The following KALRN variants were observed in gnomAD, a reference collection of about 807,000 sequenced individuals.
KALRN encodes kalirin RhoGEF kinase.
KALRN carries 70 observed loss-of-function variants against 353.7 expected under a neutral mutation model. That is an observed-to-expected ratio of 0.20 (90% confidence interval 0.16 to 0.24). KALRN has a LOEUF of 0.24. Among genes scored for constraint, KALRN ranks in the 10% least tolerant of loss-of-function variants. KALRN has a pLI of 1.00. For synonymous variants in KALRN, 1,391 were observed against 1,434.8 expected, an observed-to-expected ratio of 0.97 and a Z score of 0.69; for missense variants, 2,791 against 3,756.7, an observed-to-expected ratio of 0.74 and a Z score of 6.72.
At position 124,217,828 on chromosome 3, in the gene KALRN, G is replaced by A. The variant is rs551400914; in HGVS notation, c.74-10162G>A. ...TGTGTCCCTTCTCAGCTGTCAGACC[G>A]TACCTGCAGTTCTGCAAACCTGGTT... On this transcript the variant is annotated intron_variant, in intron 1 of 59. Transcript: ENST00000682506. Among the ~76,000 whole-genome samples, 7 of 152,282 alleles carry A rather than the reference G, an allele frequency of 4.6e-5. No individual in the cohort carries two copies. The East Asian group carries it at 5.8e-4, about 13-fold the overall frequency.
chr3:124,359,045 G>A (rs886887984), intron 10 of KALRN, among the ~76,000 whole-genome samples: 5 of 152,192 alleles, frequency 3.3e-5, no homozygotes, highest in African/African-American at 1.2e-4. Flanking sequence ...CATTAGCACT[G>A]TGGCTGTAGG....
intron 33 of KALRN, among the ~76,000 whole-genome samples, chr3:124,553,309 T>A (rs2070780284): frequency 6.6e-6 from 1 of 152,224 alleles, no homozygotes; most frequent in African/African-American, 2.4e-5. Context: ...TTGCTCCAGA[T>A]GATACAGATA....
intron 10 of KALRN, among the ~76,000 whole-genome samples, chr3:124,372,502 C>T (rs2085974225): frequency 7.2e-6 from 1 of 138,856 alleles, no homozygotes; most frequent in South Asian, 2.3e-4. Context: ...AATATAATAG[C>T]ATAATCATTA....
intron 8 of KALRN, 116 bp downstream of exon 8, chr3:124,330,108 G>A: frequency 8.9e-7 from 1 of 1,128,052 alleles, no homozygotes; most frequent in Non-Finnish European, 1.2e-6. Flanking sequence ...AGAAGAGGCT[G>A]TTTTTCTTTT....
chr3:124,118,054 C>G (rs989795023), intron 1 of KALRN, among the ~76,000 whole-genome samples: 5 of 152,222 alleles, frequency 3.3e-5, no homozygotes, highest in Admixed American at 2.6e-4. Context: ...CCAGATCCAT[C>G]TTGCCTCCTC....
Position 124,273,850 on chromosome 3 carries a change from C to T in KALRN, c.969+4595C>T, listed in dbSNP as rs1243859359. Among the ~76,000 whole-genome samples the T allele has an allele frequency of 2.6e-5, 4 of 152,336 alleles. No homozygotes were observed. The East Asian group carries it at 5.8e-4, about 22-fold the overall frequency. The stretch of plus-strand genomic sequence containing the variant: ...CTGGTCTATAACTAATGGGCCTGTC[C>T]TCCACTGTATTCGCAGAACACAAGC... On this transcript the variant is annotated intron_variant, in intron 5 of 59. Transcript: ENST00000682506.
At chr3:124,352,276 A>T (rs1234135763) in intron 10 of KALRN, among the ~76,000 whole-genome samples, 1 of 152,222 alleles carries the variant, frequency 6.6e-6, no homozygotes, top group Non-Finnish European at 1.5e-5. Flanking sequence ...ATGTCTGCCC[A>T]GGTGGTGGAA....
At chr3:124,182,308 G>A (rs1447757024) in intron 1 of KALRN, among the ~76,000 whole-genome samples, 1 of 152,172 alleles carries the variant, frequency 6.6e-6, no homozygotes, top group Non-Finnish European at 1.5e-5. Flanking sequence ...GGTCTCTTAG[G>A]AGGCTGCAAT....
At position 124,659,527 on chromosome 3, in the gene KALRN, GGGTAGAGCTAGC is replaced by G. The variant is rs1265594336; in HGVS notation, c.6216+74_6216+85del. Reference sequence around the variant, plus strand: ...AGGCTCAGAGCAGGTTCTGAGCTAGGGGTAGAGCTAGCGGTTCTGTCTCCACCACACTGTCCC... The same window carrying G: ...AGGCTCAGAGCAGGTTCTGAGCTAGGGGTTCTGTCTCCACCACACTGTCCC... On this transcript the variant is annotated intron_variant, in intron 43 of 59. Transcript: ENST00000682506. 4.8e-5 allele frequency: 50 copies of G among 1,039,794 alleles called. No homozygotes were observed. In the East Asian group the frequency reaches 1.1e-3, roughly 23 times the overall value. The allele number at this position is 1,039,794 out of a possible 1,614,324, so 64.4% of individuals were successfully genotyped here. A position where few individuals can be genotyped will look rare whatever the true frequency, so the allele number is the denominator to read the frequency against.
intron 5 of KALRN, among the ~76,000 whole-genome samples, chr3:124,285,981 A>G (rs1414609485): frequency 6.6e-6 from 1 of 151,936 alleles, no homozygotes; most frequent in Non-Finnish European, 1.5e-5. Context: ...GCACTGTACT[A>G]GATCTTTTAG....
At chr3:124,345,500 G>C (rs1560626132) in intron 9 of KALRN, among the ~76,000 whole-genome samples, 1 of 151,912 alleles carries the variant, frequency 6.6e-6, no homozygotes, top group East Asian at 1.9e-4. Flanking sequence ...TTTCAGTGCT[G>C]CCTTTCAGTG....
rs2109471075 is a variant in KALRN, at chr3:124,548,085, A to G, written c.4936-14758A>G. ...GGTATTCCCAAGGGCCTAAGTTTTC[A>G]TCACCAAGTCCTTGTTCACTTTCTT... is the stretch of plus-strand genomic sequence containing the variant. On this transcript the variant is annotated intron_variant, in intron 33 of 59. Transcript: ENST00000682506. Among the ~76,000 whole-genome samples the G allele has an allele frequency of 2.0e-5, 3 of 152,306 alleles. No homozygotes were observed. In the South Asian group the frequency reaches 6.2e-4, roughly 32 times the overall value.
At chr3:124,127,451 T>G (rs569171564) in intron 1 of KALRN, among the ~76,000 whole-genome samples, 62 of 152,290 alleles carry the variant, frequency 4.1e-4, no homozygotes, top group African/African-American at 1.4e-3. Context: ...AATTTACCAT[T>G]CTCTGTTACC....
intron 57 of KALRN, among the ~76,000 whole-genome samples, chr3:124,710,337 G>A (rs1248050220): frequency 1.3e-5 from 2 of 152,204 alleles, no homozygotes; most frequent in African/African-American, 4.8e-5. Flanking sequence ...GGGACAGAGG[G>A]AGGAAGGAGG....
At chr3:124,225,878 A>C (rs1311539409) in intron 1 of KALRN, among the ~76,000 whole-genome samples, 1 of 151,888 alleles carries the variant, frequency 6.6e-6, no homozygotes, top group Non-Finnish European at 1.5e-5. Context: ...AGTTATGTGG[A>C]CTCTTTTTGT....
chr3:124,103,028 A>G (rs1435640647), intron 1 of KALRN, among the ~76,000 whole-genome samples: 1 of 152,222 alleles, frequency 6.6e-6, no homozygotes, highest in East Asian at 1.9e-4. Flanking sequence ...GTCAAGATCC[A>G]GGACCCCGGA....
At chr3:124,402,370 G>GTGGA (rs2090984721) in intron 13 of KALRN, among the ~76,000 whole-genome samples, 1 of 152,216 alleles carries the variant, frequency 6.6e-6, no homozygotes, top group Admixed American at 6.5e-5. Flanking sequence ...GTGACCTATA[G>GTGGA]TGGAACATGA....
chr3:124,144,868 A>G (rs2067130465), intron 1 of KALRN, among the ~76,000 whole-genome samples: 1 of 152,220 alleles, frequency 6.6e-6, no homozygotes, highest in Non-Finnish European at 1.5e-5. Context: ...CAGGAAAACA[A>G]TCCAAGCAGC....
chr3:124,126,166 C>T (rs2064641926), intron 1 of KALRN, among the ~76,000 whole-genome samples: 1 of 151,828 alleles, frequency 6.6e-6, no homozygotes, highest in Non-Finnish European at 1.5e-5. Context: ...TTGCTTTTAC[C>T]AGTCCTCAAC....
Sources: allele counts gnomAD v4.1 joint callset (sites outside exome capture counted in the v4.1 genomes callset), GRCh38; gene constraint gnomAD v4.1.1; transcripts MANE v1.5; gene names NCBI Gene and HGNC (gene_info 2026-07-23, HGNC 2026-07-21).